NAPA: variants seen among roughly 807,000 people sequenced by gnomAD.
NAPA encodes NSF attachment protein alpha.
A neutral mutation model predicts 48.0 loss-of-function variants in NAPA; 18 were observed. That is an observed-to-expected ratio of 0.38 (90% CI 0.26 to 0.56). NAPA has a LOEUF of 0.56. Among genes scored for constraint, NAPA ranks in the 20% least tolerant of loss-of-function variants. The pLI is 0.77. For missense variants in NAPA, 315 were observed against 385.0 expected (o/e 0.82, Z 1.52); for synonymous variants, 152 against 149.9 (o/e 1.01, Z -0.10).
intron 2 of NAPA, among the ~76,000 whole-genome samples, chr19:47,501,914 T>C (rs1568468554): frequency 6.6e-6 from 1 of 152,134 alleles, no homozygotes; most frequent in Non-Finnish European, 1.5e-5. Flanking sequence ...GTTTTCACTA[T>C]ATGATTTCAT....
chr19:47,487,957 G>T lies in NAPA; in HGVS notation c.*331C>A, dbSNP rs1371847077. On this transcript the variant is annotated 3_prime_UTR_variant, in exon 11 of 11. Coordinates refer to ENST00000263354, the MANE Select transcript of NAPA (RefSeq NM_003827.4). ...GACTCAGCTGGTCAGGAGATAGGGG[G>T]CCAGATGCTGACCCCAAATCCCCGG... 1 of 189,460 alleles carries T rather than the reference G, an allele frequency of 5.3e-6. No individual in the cohort carries two copies. The highest frequency in any genetic ancestry group is 1.1e-5 in the Non-Finnish European group (1 of 90,992). 11.7% of individuals were successfully genotyped at this position (189,460 alleles called of 1,614,324 possible).
intron 3 of NAPA, 140 bp downstream of exon 3, chr19:47,500,493 T>A (rs1166340264): frequency 1.7e-6 from 1 of 602,588 alleles, no homozygotes; most frequent in Non-Finnish European, 2.7e-6. Flanking sequence ...ACGCTCACTC[T>A]GCCTCAGGCA....
At position 47,487,951 on chromosome 19, in the gene NAPA, T is replaced by C. The variant is rs73940857; in HGVS notation, c.*337A>G. 4,309 of 182,178 alleles carry C rather than the reference T, an allele frequency of 0.024. 167 individuals carry two copies. The highest frequency in any genetic ancestry group is 0.095 in the African/African-American group (4,044 of 42,468). The allele number at this position is 182,178 out of a possible 1,614,324, so 11.3% of individuals were successfully genotyped here. ...CCTCATGACTCAGCTGGTCAGGAGATAGGGGGCCAGATGCTGACCCCAAAT... is the reference window on the plus strand; with the variant it reads ...CCTCATGACTCAGCTGGTCAGGAGACAGGGGGCCAGATGCTGACCCCAAAT... On this transcript the variant is annotated 3_prime_UTR_variant, in exon 11 of 11. Transcript: ENST00000263354.
rs542122564 is a variant in NAPA, at chr19:47,493,374, G to C, written c.420+42C>G. The stretch of plus-strand genomic sequence containing the variant: ...GGTGGGAAGAAGAGAGAGCAGCACT[G>C]GTCCTGGCTGCCAGCCCATGCAGGG... On this transcript the variant is annotated intron_variant, in intron 5 of 10. Transcript: ENST00000263354. This position sits in a 1 kb window ranked among gnomAD's most constrained non-coding sequence, Gnocchi z 6.4. The C allele has an allele frequency of 6.2e-6, 10 of 1,601,636 alleles. No homozygotes were observed. The South Asian group carries it at 8.8e-5, about 14-fold the overall frequency.
Position 47,515,009 on chromosome 19 carries a change from G to A in NAPA, c.-69C>T. The A allele has an allele frequency of 6.7e-7, 1 of 1,489,600 alleles. No homozygotes were observed. The highest frequency in any genetic ancestry group is 9.2e-7 in the Non-Finnish European group (1 of 1,085,924). The allele number at this position is 1,489,600 out of a possible 1,614,324, so 92.3% of individuals were successfully genotyped here. On this transcript the variant is annotated 5_prime_UTR_variant, in exon 1 of 11. Transcript: ENST00000263354. ...GGGAAGACTCAGCCGCGGCCGGGCC[G>A]CGGAACACAGATCGGTAAAACTCGC... is the stretch of plus-strand genomic sequence containing the variant.
chr19:47,510,785 C>T (rs1599920845), intron 1 of NAPA, among the ~76,000 whole-genome samples: 1 of 152,208 alleles, frequency 6.6e-6, no homozygotes, highest in South Asian at 2.1e-4. Context: ...TGGACTCAGC[C>T]ATCCCCTTCT....
intron 1 of NAPA, among the ~76,000 whole-genome samples, chr19:47,504,191 C>G (rs543762128): frequency 6.6e-6 from 1 of 151,794 alleles, no homozygotes; most frequent in African/African-American, 2.4e-5. Flanking sequence ...CTCAAGAGTT[C>G]GAGACCAGCC....
intron 1 of NAPA, among the ~76,000 whole-genome samples, chr19:47,513,448 G>C (rs916664218): frequency 1.4e-4 from 22 of 152,234 alleles, no homozygotes; most frequent in Non-Finnish European, 2.8e-4. Context: ...AGGTAGGTTT[G>C]ATTTGTGATC....
chr19:47,492,297 T>C, intron 7 of NAPA, 178 bp from the exon 8 acceptor site: 1 of 582,322 alleles, frequency 1.7e-6, no homozygotes, highest in South Asian at 2.0e-5. Flanking sequence ...CAGCGGCCAG[T>C]GCGTGAGCGA....
At chr19:47,494,707 C>T (rs899524808) in intron 4 of NAPA, among the ~76,000 whole-genome samples, 6 of 130,886 alleles carry the variant, frequency 4.6e-5, no homozygotes, top group Non-Finnish European at 7.8e-5. Context: ...CACTGAACTC[C>T]AGCCTAGATG....
chr19:47,508,995 G>C (rs1433632956), intron 1 of NAPA, among the ~76,000 whole-genome samples: 2 of 152,048 alleles, frequency 1.3e-5, no homozygotes, highest in Non-Finnish European at 2.9e-5. Context: ...AGGATCACTT[G>C]AGCCCAGGAG....
At chr19:47,502,679 T>C (rs965281297) in intron 2 of NAPA, among the ~76,000 whole-genome samples, 1 of 152,226 alleles carries the variant, frequency 6.6e-6, no homozygotes, top group African/African-American at 2.4e-5. Context: ...ATGAAAGATG[T>C]ATGATGAAAT....
intron 3 of NAPA, chr19:47,497,468 C>T (rs1040253882): frequency 6.6e-6 from 1 of 152,522 alleles, no homozygotes; most frequent in African/African-American, 2.4e-5. Context: ...CCAGCAGACA[C>T]CTGGGACAGC....
In NAPA at chr19:47,488,284, G is replaced by GAC; in HGVS notation, c.*3_*4insGT. On this transcript the variant is annotated 3_prime_UTR_variant, in exon 11 of 11. Coordinates refer to ENST00000263354, the MANE Select transcript of NAPA (RefSeq NM_003827.4). ...AAGACGGGCACTGGGGGGCTGGGTG[G>GAC]GGCTTAGCGCAGGTCCTCCTCATCG... 6.2e-7 allele frequency: 1 copy of GAC among 1,608,700 alleles called. No homozygotes were observed. The highest frequency in any genetic ancestry group is 1.1e-5 in the South Asian group (1 of 90,930).
In NAPA at chr19:47,493,080, C is replaced by T. The variant is rs778079286; in HGVS notation, c.477-35G>A. On this transcript the variant is annotated intron_variant, in intron 6 of 10. Coordinates refer to ENST00000263354, the MANE Select transcript of NAPA (RefSeq NM_003827.4). This position sits in a 1 kb window ranked among gnomAD's most constrained non-coding sequence, Gnocchi z 6.4. ...GAGGAGTAGTGAGGGGAAGTGGTGG[C>T]GGTCCCTGCGGGGCTGGGGCAGGCA... 1.6e-5 allele frequency: 26 copies of T among 1,613,818 alleles called. No homozygotes were observed. In the Admixed American group the frequency reaches 1.8e-4, roughly 11 times the overall value.
chr19:47,494,681 T>G (rs1407429633), intron 4 of NAPA, among the ~76,000 whole-genome samples: 1 of 135,498 alleles, frequency 7.4e-6, no homozygotes, highest in African/African-American at 2.8e-5. Context: ...GAGGTTGCAG[T>G]GAGTGGAGAT....
chr19:47,499,095 G>T lies in NAPA; in HGVS notation c.295+1538C>A, dbSNP rs147032521. On this transcript the variant is annotated intron_variant, in intron 3 of 10. Coordinates refer to ENST00000263354, the MANE Select transcript of NAPA (RefSeq NM_003827.4). ...CTTCTGAGCTTCCTAAGGCCAGGGA[G>T]GGGCCACATCCAGACTCCAGGCCCA... is the stretch of plus-strand genomic sequence containing the variant. Among the ~76,000 whole-genome samples, 849 of 152,334 alleles carry T rather than the reference G, an allele frequency of 5.6e-3. 5 individuals carry two copies. Among genetic ancestry groups the T allele is most frequent in the Non-Finnish European group, 9.7e-3 (657 of 68,020 alleles).
intron 9 of NAPA, among the ~76,000 whole-genome samples, chr19:47,490,148 G>C (rs1378662254): frequency 6.7e-6 from 1 of 149,400 alleles, no homozygotes; most frequent in Non-Finnish European, 1.5e-5. Flanking sequence ...TGTGTGGTGT[G>C]TTCGGTGTGT....
chr19:47,500,279 T>C (rs577996724), intron 3 of NAPA, among the ~76,000 whole-genome samples: 2 of 152,190 alleles, frequency 1.3e-5, no homozygotes, highest in Non-Finnish European at 2.9e-5. Context: ...CGCTCCCTTC[T>C]GCATGTTAAT....
Sources: gnomAD v4.1 joint callset for allele counts (sites outside exome capture counted in the v4.1 genomes callset) on GRCh38, gnomAD v4.1.1 for gene constraint, Gnocchi (gnomAD v3.1) non-coding constraint, MANE v1.5 for transcripts, NCBI Gene and HGNC (gene_info 2026-07-23, HGNC 2026-07-21) for gene names.